Variants in RAB2A observed in about 807,000 individuals in gnomAD.
The protein encoded by RAB2A is RAB2A, member RAS oncogene family, also known as ras-related protein Rab-2A.
Under a neutral mutation model 32.5 loss-of-function variants are expected in RAB2A, and 7 were observed. That is an observed-to-expected ratio of 0.22 (90% confidence interval 0.12 to 0.40). The LOEUF (loss-of-function observed/expected upper bound fraction) is 0.40, where lower values mean the gene tolerates loss of function less well. Among genes scored for constraint, RAB2A ranks in the 10% least tolerant of loss-of-function variants. The pLI, the probability that RAB2A is intolerant of heterozygous loss-of-function variation, is 1.00. For missense variants in RAB2A, 108 were observed against 260.7 expected, an observed-to-expected ratio of 0.41 and a Z score of 4.03; for synonymous variants, 79 against 85.2, an observed-to-expected ratio of 0.93 and a Z score of 0.40.
At chr8:60,526,830 G>C (rs768885254) in intron 1 of RAB2A, among the ~76,000 whole-genome samples, 1 of 152,016 alleles carries the variant, frequency 6.6e-6, no homozygotes, top group African/African-American at 2.4e-5. Context: ...TTAGCCAGGC[G>C]TGGCGGCATG....
At chr8:60,593,180 A>T (rs1001414726) in intron 6 of RAB2A, among the ~76,000 whole-genome samples, 3 of 152,220 alleles carry the variant, frequency 2.0e-5, no homozygotes, top group East Asian at 3.8e-4. Flanking sequence ...AAGGAGATAC[A>T]TTCTGAGAAA....
intron 6 of RAB2A, among the ~76,000 whole-genome samples, chr8:60,598,325 A>G (rs1252354125): frequency 6.6e-6 from 1 of 152,184 alleles, no homozygotes; most frequent in Non-Finnish European, 1.5e-5. Flanking sequence ...CAGACGTTTA[A>G]AAAAGGAATG....
At chr8:60,574,236 T>C (rs542878459) in intron 3 of RAB2A, among the ~76,000 whole-genome samples, 141 of 152,352 alleles carry the variant, frequency 9.3e-4, no homozygotes, top group African/African-American at 3.3e-3. Context: ...TTTGTGCATA[T>C]GTCTCCTGTA....
chr8:60,522,092 A>G (rs1040414464), intron 1 of RAB2A, among the ~76,000 whole-genome samples: 1 of 152,230 alleles, frequency 6.6e-6, no homozygotes, highest in Non-Finnish European at 1.5e-5. Flanking sequence ...ACTAGTGTTC[A>G]TGGGGCACAT....
chr8:60,565,142 G>A (rs750680003), intron 2 of RAB2A, among the ~76,000 whole-genome samples: 2 of 152,188 alleles, frequency 1.3e-5, no homozygotes, highest in Non-Finnish European at 2.9e-5. Context: ...TATAAGAAAT[G>A]ATTGCTGGGC....
At chr8:60,548,416 G>A (rs1292281011) in intron 1 of RAB2A, among the ~76,000 whole-genome samples, 3 of 51,908 alleles carry the variant, frequency 5.8e-5, no homozygotes. Flanking sequence ...TCCCGGACGG[G>A]GCGGCTGGCC....
intron 1 of RAB2A, among the ~76,000 whole-genome samples, chr8:60,543,137 A>G (rs539861560): frequency 2.6e-5 from 4 of 152,352 alleles, no homozygotes; most frequent in African/African-American, 9.6e-5. Context: ...CTTAAGAGGA[A>G]TGAAAGATGA....
At chr8:60,524,709 T>C (rs1163781045) in intron 1 of RAB2A, among the ~76,000 whole-genome samples, 2 of 152,364 alleles carry the variant, frequency 1.3e-5, no homozygotes, top group Non-Finnish European at 1.5e-5. Context: ...GCTGTTTTAG[T>C]CACTCTCCGG....
chr8:60,519,781 A>G (rs920926708), intron 1 of RAB2A, among the ~76,000 whole-genome samples: 17 of 152,102 alleles, frequency 1.1e-4, no homozygotes, highest in African/African-American at 4.1e-4. Flanking sequence ...GAGAGGAGCC[A>G]AACAGGCTAC....
At position 60,558,765 on chromosome 8, in the gene RAB2A, C is replaced by A. The variant is rs774099964; in HGVS notation, c.47-87C>A. 2.7e-6 allele frequency: 3 copies of A among 1,111,220 alleles called. No individual in the cohort carries two copies. The Admixed American group carries it at 5.2e-5, about 19-fold the overall frequency. 68.8% of individuals were successfully genotyped at this position (1,111,220 alleles called of 1,614,324 possible). ...AGATTATTCACAGTGCACCAGAAAC[C>A]CTGGCTGCCTCTTTTCCATGTCCTT... On this transcript the variant is annotated intron_variant, in intron 1 of 7. Coordinates refer to ENST00000262646, the MANE Select transcript of RAB2A (RefSeq NM_002865.3).
At chr8:60,539,407 C>T (rs1033094139) in intron 1 of RAB2A, among the ~76,000 whole-genome samples, 5 of 152,128 alleles carry the variant, frequency 3.3e-5, no homozygotes, top group Admixed American at 2.0e-4. Context: ...TCACAATAGC[C>T]AATGAATAAG....
intron 1 of RAB2A, among the ~76,000 whole-genome samples, chr8:60,539,384 T>C (rs182455726): frequency 6.6e-6 from 1 of 152,344 alleles, no homozygotes; most frequent in East Asian, 1.9e-4. Context: ...TTACATATTA[T>C]CTCTTTTATT....
At chr8:60,594,728 C>T (rs556036454) in intron 6 of RAB2A, among the ~76,000 whole-genome samples, 4 of 152,216 alleles carry the variant, frequency 2.6e-5, no homozygotes, top group South Asian at 2.1e-4. Context: ...TGAGAACATG[C>T]GGTGTTTGGT....
At chr8:60,563,958 A>G (rs745964435) in intron 2 of RAB2A, among the ~76,000 whole-genome samples, 1 of 152,178 alleles carries the variant, frequency 6.6e-6, no homozygotes, top group Non-Finnish European at 1.5e-5. Context: ...CTAGCCATCT[A>G]TTCCTGACAT....
At chr8:60,595,477 CTT>C (rs1244195209) in intron 6 of RAB2A, among the ~76,000 whole-genome samples, 1 of 152,150 alleles carries the variant, frequency 6.6e-6, no homozygotes, top group East Asian at 1.9e-4. Context: ...AAAACAATGA[CTT>C]AGCTATATGG....
rs188591803 is a variant in RAB2A, at chr8:60,576,060, G to A, written c.186+3947G>A. Among the ~76,000 whole-genome samples the A allele has an allele frequency of 5.9e-5, 9 of 152,306 alleles. No individual in the cohort carries two copies. The East Asian group carries it at 1.3e-3, about 23-fold the overall frequency. On this transcript the variant is annotated intron_variant, in intron 3 of 7. Coordinates refer to ENST00000262646, the MANE Select transcript of RAB2A (RefSeq NM_002865.3). ...TCTTTTGCCAGTAGTGAGAATAGCT[G>A]CTAGCAGATACTCCTTGGAGGCATG...
intron 1 of RAB2A, among the ~76,000 whole-genome samples, chr8:60,556,911 A>G (rs1473637538): frequency 3.3e-5 from 5 of 152,184 alleles, no homozygotes; most frequent in Admixed American, 3.3e-4. Flanking sequence ...ATACCATATG[A>G]AAAAATTGGG....
chr8:60,518,087 G>A (rs1307210908), intron 1 of RAB2A, among the ~76,000 whole-genome samples: 1 of 152,170 alleles, frequency 6.6e-6, no homozygotes, highest in East Asian at 1.9e-4. Context: ...TCCATGAGCT[G>A]AAAGAAATTC....
At chr8:60,544,015 T>G (rs1399019290) in intron 1 of RAB2A, among the ~76,000 whole-genome samples, 6 of 145,796 alleles carry the variant, frequency 4.1e-5, no homozygotes, top group Admixed American at 6.9e-5. Context: ...TGAGCCGAGA[T>G]TGCGCCACTG....
Sources: gnomAD v4.1 joint callset for allele counts (sites outside exome capture counted in the v4.1 genomes callset) on GRCh38, gnomAD v4.1.1 for gene constraint, MANE v1.5 for transcripts, NCBI Gene and HGNC (gene_info 2026-07-23, HGNC 2026-07-21) for gene names.